Variants in MEI4 observed in about 807,000 individuals in gnomAD.
MEI4 encodes the protein meiotic double-stranded break formation protein 4.
MEI4 carries 27 observed loss-of-function variants against 31.4 expected under a neutral mutation model. The observed-to-expected ratio is 0.86, with a 90% CI of 0.63 to 1.19. The LOEUF (loss-of-function observed/expected upper bound fraction) is 1.19, where lower values mean the gene tolerates loss of function less well. Ranked by LOEUF, MEI4 falls within the 50% of genes most tolerant of loss-of-function variation. MEI4 has a pLI of 0.00. For missense variants in MEI4, 329 were observed against 398.9 expected (o/e 0.82, Z 1.49); for synonymous variants, 122 against 145.4 (o/e 0.84, Z 1.16).
chr6:77,801,546 C>G (rs1448728147), intron 3 of MEI4, among the ~76,000 whole-genome samples: 1 of 152,098 alleles, frequency 6.6e-6, no homozygotes, highest in Non-Finnish European at 1.5e-5. Flanking sequence ...AATGTGTTTG[C>G]TCTTGCTTCT....
At chr6:77,792,808 G>A (rs1421079870) in intron 3 of MEI4, among the ~76,000 whole-genome samples, 1 of 151,802 alleles carries the variant, frequency 6.6e-6, no homozygotes, top group Non-Finnish European at 1.5e-5. Context: ...CAACTCCTGG[G>A]TTCACACCAT....
chr6:77,777,435 C>T (rs372368675), intron 3 of MEI4, among the ~76,000 whole-genome samples: 1 of 152,084 alleles, frequency 6.6e-6, no homozygotes, highest in Non-Finnish European at 1.5e-5. Context: ...CCTGAAGCCC[C>T]GCTTCTGCCT....
At chr6:77,913,597 A>T (rs562504841) in intron 4 of MEI4, among the ~76,000 whole-genome samples, 1 of 151,882 alleles carries the variant, frequency 6.6e-6, no homozygotes, top group African/African-American at 2.4e-5. Flanking sequence ...ATTGTCTGTG[A>T]TGATCTTTTG....
intron 2 of MEI4, among the ~76,000 whole-genome samples, chr6:77,724,999 TA>T (rs1377276519): frequency 7.2e-6 from 1 of 139,204 alleles, no homozygotes; most frequent in Non-Finnish European, 1.6e-5. Flanking sequence ...AAAGCTGCTT[TA>T]ATAATGGCCC....
chr6:77,666,486 G>A (rs1347108572), intron 1 of MEI4, among the ~76,000 whole-genome samples: 2 of 152,134 alleles, frequency 1.3e-5, no homozygotes, highest in African/African-American at 4.8e-5. Flanking sequence ...TTTACAGTGT[G>A]ATTGATAAGA....
intron 1 of MEI4, among the ~76,000 whole-genome samples, chr6:77,659,458 AG>A (rs1768460554): frequency 6.6e-6 from 1 of 152,172 alleles, no homozygotes; most frequent in South Asian, 2.1e-4. Flanking sequence ...GGATCCAGCT[AG>A]GGAGGCAGCT....
At chr6:77,909,037 C>A (rs1478100243) in intron 4 of MEI4, among the ~76,000 whole-genome samples, 2 of 152,108 alleles carry the variant, frequency 1.3e-5, no homozygotes, top group Admixed American at 6.6e-5. Flanking sequence ...CACCCCAAAT[C>A]AACAGCATAT....
intron 4 of MEI4, among the ~76,000 whole-genome samples, chr6:77,909,264 CA>C (rs1562034579): frequency 6.6e-6 from 1 of 152,000 alleles, no homozygotes; most frequent in African/African-American, 2.4e-5. Flanking sequence ...TCAGTGAATC[CA>C]GGAGCTGGTT....
Position 77,733,840 on chromosome 6 carries a change from T to C in MEI4, c.233-27290T>C, listed in dbSNP as rs1365742056. On this transcript the variant is annotated intron_variant, in intron 2 of 4. Coordinates refer to ENST00000684080, the MANE Select transcript of MEI4 (RefSeq NM_001322247.2). The stretch of plus-strand genomic sequence containing the variant: ...CTGGTATGTTGTATGTTTGTTCTTA[T>C]TGGTTTCAAAGAACATCTTTATTTC... Among the ~76,000 whole-genome samples, 5 of 152,066 alleles carry C rather than the reference T, an allele frequency of 3.3e-5. 1 individual carries two copies. The highest frequency in any genetic ancestry group is 1.3e-4 in the Admixed American group (2 of 15,284).
intron 4 of MEI4, among the ~76,000 whole-genome samples, chr6:77,850,116 G>T (rs1260758144): frequency 6.6e-6 from 1 of 152,054 alleles, no homozygotes; most frequent in Admixed American, 6.6e-5. Flanking sequence ...TGAAAGCAGG[G>T]ATTTTTATTT....
intron 2 of MEI4, among the ~76,000 whole-genome samples, chr6:77,733,178 A>G (rs1767063943): frequency 6.6e-6 from 1 of 151,698 alleles, no homozygotes; most frequent in South Asian, 2.1e-4. Context: ...TTTTCTATTG[A>G]TTGGAATAGT....
At chr6:77,897,347 G>A (rs564169595) in intron 4 of MEI4, among the ~76,000 whole-genome samples, 3 of 151,856 alleles carry the variant, frequency 2.0e-5, no homozygotes, top group Non-Finnish European at 4.4e-5. Flanking sequence ...TTCTTTTTAC[G>A]ATTCTTGTAC....
intron 3 of MEI4, among the ~76,000 whole-genome samples, chr6:77,818,817 A>G (rs1769747776): frequency 6.6e-6 from 1 of 152,076 alleles, no homozygotes; most frequent in Non-Finnish European, 1.5e-5. Context: ...TGCAGCTTGG[A>G]ACTCCTGGGC....
chr6:77,918,575 T>C (rs1177777306), intron 4 of MEI4, among the ~76,000 whole-genome samples: 3 of 150,418 alleles, frequency 2.0e-5, no homozygotes. Flanking sequence ...TGTTTGTCTG[T>C]TGTTGGTGTA....
At chr6:77,757,836 T>TA (rs1452445415) in intron 2 of MEI4, among the ~76,000 whole-genome samples, 2 of 152,316 alleles carry the variant, frequency 1.3e-5, no homozygotes, top group Middle Eastern at 3.4e-3. Flanking sequence ...TCTATTCACC[T>TA]AAAATGATCA....
intron 3 of MEI4, among the ~76,000 whole-genome samples, chr6:77,815,437 G>A (rs1021241560): frequency 6.6e-6 from 1 of 152,052 alleles, no homozygotes; most frequent in Non-Finnish European, 1.5e-5. Flanking sequence ...CATTTCTGAA[G>A]GCAAACTGGC....
At chr6:77,664,179 A>G (rs112688469) in intron 1 of MEI4, among the ~76,000 whole-genome samples, 24,450 of 152,090 alleles carry the variant, frequency 0.16, 2,204 homozygotes, top group East Asian at 0.24. Context: ...GGCGAGGTTA[A>G]TTAAATCCTG....
At chr6:77,741,063 A>G (rs975465884) in intron 2 of MEI4, among the ~76,000 whole-genome samples, 1 of 152,242 alleles carries the variant, frequency 6.6e-6, no homozygotes, top group Middle Eastern at 3.4e-3. Context: ...TTCACAGAAA[A>G]TTTGAAGCAG....
intron 2 of MEI4, among the ~76,000 whole-genome samples, chr6:77,728,433 A>G (rs953629154): frequency 6.6e-5 from 10 of 152,158 alleles, no homozygotes; most frequent in Non-Finnish European, 4.4e-5. Context: ...TCATTGATTG[A>G]TTCATTTCTT....
Sources: allele counts gnomAD v4.1 joint callset (sites outside exome capture counted in the v4.1 genomes callset), GRCh38; gene constraint gnomAD v4.1.1; transcripts MANE v1.5; gene names NCBI Gene and HGNC (gene_info 2026-07-23, HGNC 2026-07-21).